Variants in PLEKHH2 observed in about 807,000 individuals in gnomAD.
PLEKHH2 encodes the protein pleckstrin homology domain-containing family H member 2.
PLEKHH2 carries 129 observed loss-of-function variants against 187.9 expected under a neutral mutation model. That is an observed-to-expected ratio of 0.69 (90% confidence interval 0.59 to 0.79). PLEKHH2 has a LOEUF of 0.79. PLEKHH2 is among the 30% of genes least tolerant of loss of function. The pLI, the probability that PLEKHH2 is intolerant of heterozygous loss-of-function variation, is 0.00. For missense variants in PLEKHH2, 2,076 were observed against 1,751.2 expected, an observed-to-expected ratio of 1.19 and a Z score of -3.31; for synonymous variants, 686 against 605.6, an observed-to-expected ratio of 1.13 and a Z score of -1.95.
intron 2 of PLEKHH2, among the ~76,000 whole-genome samples, chr2:43,667,362 T>C (rs561841681): frequency 6.6e-6 from 1 of 152,224 alleles, no homozygotes; most frequent in Non-Finnish European, 1.5e-5. Context: ...GTGCAGCCAC[T>C]GTGGAAAACA....
At chr2:43,668,364 A>G (rs1667325842) in intron 2 of PLEKHH2, among the ~76,000 whole-genome samples, 1 of 152,248 alleles carries the variant, frequency 6.6e-6, no homozygotes, top group Non-Finnish European at 1.5e-5. Flanking sequence ...AACTTAAAAT[A>G]TATATACATA....
At chr2:43,752,453 G>C (rs1672047138) in intron 24 of PLEKHH2, among the ~76,000 whole-genome samples, 1 of 152,148 alleles carries the variant, frequency 6.6e-6, no homozygotes, top group Admixed American at 6.5e-5. Context: ...TGCTTGCCCA[G>C]AGATTCAGAC....
Position 43,707,442 on chromosome 2 carries a change from A to T in PLEKHH2, c.1863A>T (p.Ser621=), listed in dbSNP as rs1258987598. The change falls in exon 11 of 30, where the codon TCA becomes TCT. Residue 621 remains serine, a synonymous_variant. Transcript: ENST00000282406. ...GTAGCAGCCCTTTCCTGGATGACTC[A>T]TCTGGGTCAGAGGAAGAAGACAGCT... is the stretch of plus-strand genomic sequence containing the variant. The part of the protein sequence containing the change: ...QISSSPFLDD[S]SGSEEEDSSR... 6.2e-7 allele frequency: 1 copy of T among 1,614,118 alleles called. No individual in the cohort carries two copies. Among genetic ancestry groups the T allele is most frequent in the East Asian group, 2.2e-5 (1 of 44,864 alleles).
intron 1 of PLEKHH2, among the ~76,000 whole-genome samples, chr2:43,642,750 G>C (rs1666007811): frequency 1.3e-5 from 2 of 152,120 alleles, no homozygotes; most frequent in South Asian, 2.1e-4. Context: ...TTTTCACATG[G>C]TGCATTACAT....
intron 2 of PLEKHH2, among the ~76,000 whole-genome samples, chr2:43,666,696 A>G (rs1188113972): frequency 1.3e-5 from 2 of 152,206 alleles, no homozygotes; most frequent in Non-Finnish European, 2.9e-5. Flanking sequence ...GCATGTCTCT[A>G]ATGACTAATG....
intron 2 of PLEKHH2, chr2:43,675,501 A>G: frequency 6.2e-7 from 1 of 1,614,040 alleles, no homozygotes; most frequent in Non-Finnish European, 8.5e-7. Flanking sequence ...GTCCATTGAA[A>G]GTAATAGCCA....
chr2:43,765,325 G>T lies in PLEKHH2; in HGVS notation c.4297-88G>T, dbSNP rs570991968. 7.6e-5 allele frequency: 98 copies of T among 1,282,012 alleles called. 1 individual carries two copies. In the African/African-American group the frequency reaches 1.2e-3, roughly 16 times the overall value. The allele number at this position is 1,282,012 out of a possible 1,614,324, so 79.4% of individuals were successfully genotyped here. ...TCTGGTAGCCTGGGCACTTGCAAAT[G>T]GAGCTCACCTGTGGCCAACACTTTA... On this transcript the variant is annotated intron_variant, in intron 29 of 29. Transcript: ENST00000282406.
At chr2:43,680,952 C>G in intron 3 of PLEKHH2, 1 of 959,890 alleles carries the variant, frequency 1.0e-6, no homozygotes, top group Non-Finnish European at 1.5e-6. Flanking sequence ...ATTATTTTTA[C>G]TACATACACT....
At chr2:43,764,184 G>T in intron 28 of PLEKHH2, 44 bp from the exon 29 acceptor site, 2 of 1,171,918 alleles carry the variant, frequency 1.7e-6, no homozygotes, top group Non-Finnish European at 2.3e-6. Context: ...TCTCTCCTTG[G>T]AAGTAAGAGC....
intron 24 of PLEKHH2, among the ~76,000 whole-genome samples, chr2:43,752,605 T>C (rs778918961): frequency 1.9e-4 from 29 of 152,168 alleles, no homozygotes; most frequent in Non-Finnish European, 3.8e-4. Flanking sequence ...AGCACACACC[T>C]AACAGTTACT....
chr2:43,699,108 A>G (rs948911927), intron 7 of PLEKHH2, among the ~76,000 whole-genome samples: 7 of 152,154 alleles, frequency 4.6e-5, no homozygotes, highest in African/African-American at 1.7e-4. Flanking sequence ...TCTAAAATAG[A>G]ATTCATGCTG....
At chr2:43,744,803 G>T (rs1012863960) in intron 23 of PLEKHH2, among the ~76,000 whole-genome samples, 7 of 150,752 alleles carry the variant, frequency 4.6e-5, no homozygotes, top group African/African-American at 1.7e-4. Flanking sequence ...ATGAGGTCGA[G>T]GCTGCAGTGA....
intron 3 of PLEKHH2, chr2:43,692,219 C>A (rs552119231): frequency 5.5e-6 from 1 of 183,344 alleles, no homozygotes; most frequent in East Asian, 1.5e-4. Flanking sequence ...CTTTCTGTTT[C>A]TATACTCATA....
At chr2:43,647,770 CA>C (rs1666253422) in intron 2 of PLEKHH2, among the ~76,000 whole-genome samples, 1 of 152,092 alleles carries the variant, frequency 6.6e-6, no homozygotes, top group Non-Finnish European at 1.5e-5. Flanking sequence ...TAAATGGATG[CA>C]GGCCCAAGGG....
chr2:43,678,476 G>A (rs996974874), intron 2 of PLEKHH2, among the ~76,000 whole-genome samples: 24 of 152,214 alleles, frequency 1.6e-4, no homozygotes, highest in African/African-American at 5.8e-4. Flanking sequence ...AGGAGGCCGA[G>A]GCTCGCAGAT....
intron 2 of PLEKHH2, chr2:43,675,640 C>T (rs747589003): frequency 1.9e-6 from 3 of 1,613,892 alleles, no homozygotes; most frequent in Admixed American, 3.3e-5. Flanking sequence ...TGCATGAACT[C>T]CTGCATATTT....
intron 2 of PLEKHH2, among the ~76,000 whole-genome samples, chr2:43,677,054 G>T (rs1230378931): frequency 6.6e-6 from 1 of 152,086 alleles, no homozygotes; most frequent in Admixed American, 6.5e-5. Flanking sequence ...TACTCTTGAG[G>T]TATATATGTA....
At chr2:43,638,810 C>T (rs973384099) in intron 1 of PLEKHH2, among the ~76,000 whole-genome samples, 1 of 97,032 alleles carries the variant, frequency 1.0e-5, no homozygotes, top group Admixed American at 9.1e-5. Context: ...TTGCTTTGTA[C>T]TTGTTAACTA....
chr2:43,656,973 C>T (rs972098761), intron 2 of PLEKHH2, among the ~76,000 whole-genome samples: 1 of 152,146 alleles, frequency 6.6e-6, no homozygotes, highest in African/African-American at 2.4e-5. Flanking sequence ...GAGCCGAGAT[C>T]GCGCCATTGC....
Sources: allele counts gnomAD v4.1 joint callset (sites outside exome capture counted in the v4.1 genomes callset), GRCh38; gene constraint gnomAD v4.1.1; transcripts MANE v1.5; gene names NCBI Gene and HGNC (gene_info 2026-07-23, HGNC 2026-07-21).